Variants in NCOA6 observed in about 807,000 individuals in gnomAD.
NCOA6 encodes the protein nuclear receptor coactivator 6.
NCOA6 carries 49 observed loss-of-function variants against 171.4 expected under a neutral mutation model. The ratio of observed to expected loss-of-function variants is 0.29; its 90% CI spans 0.23 to 0.36. The LOEUF (loss-of-function observed/expected upper bound fraction) is 0.36, where lower values mean the gene tolerates loss of function less well. NCOA6 is among the 10% of genes least tolerant of loss of function. The pLI, the probability that NCOA6 is intolerant of heterozygous loss-of-function variation, is 1.00. For missense variants in NCOA6, 2,248 were observed against 2,554.5 expected (o/e 0.88, Z 2.59); for synonymous variants, 910 against 927.5 (o/e 0.98, Z 0.34).
intron 10 of NCOA6, among the ~76,000 whole-genome samples, chr20:34,746,126 A>G (rs1265685176): frequency 6.6e-6 from 1 of 152,178 alleles, no homozygotes; most frequent in Non-Finnish European, 1.5e-5. Flanking sequence ...CCCAGGAAGA[A>G]ACGCTGCAGG....
At position 34,735,791 on chromosome 20, in the gene NCOA6, G is replaced by A. The variant is rs1038695999; in HGVS notation, c.5962+899C>T. 4.6e-5 allele frequency among the ~76,000 whole-genome samples: 7 copies of A among 152,118 alleles called. No individual in the cohort carries two copies. The South Asian group carries it at 1.5e-3, about 32-fold the overall frequency. ...ACACAGGATGTAGCATTCTGAAGTA[G>A]GTTTTAAAATAATCACAAACTATAC... On this transcript the variant is annotated intron_variant, in intron 12 of 14. Transcript: ENST00000359003.
chr20:34,818,575 AC>A (rs1284940651), intron 1 of NCOA6, among the ~76,000 whole-genome samples: 1 of 152,124 alleles, frequency 6.6e-6, no homozygotes, highest in East Asian at 1.9e-4. Flanking sequence ...TCTCCTAAAT[AC>A]CCACCTCTGT....
intron 7 of NCOA6, among the ~76,000 whole-genome samples, chr20:34,755,173 G>A (rs964771761): frequency 6.6e-6 from 1 of 152,044 alleles, no homozygotes; most frequent in Non-Finnish European, 1.5e-5. Flanking sequence ...AAGGTTTGAG[G>A]GCTCACTTTT....
intron 1 of NCOA6, among the ~76,000 whole-genome samples, chr20:34,811,957 T>C (rs1353716668): frequency 6.6e-6 from 1 of 152,146 alleles, no homozygotes; most frequent in African/African-American, 2.4e-5. Flanking sequence ...CTTATAAAAC[T>C]ATTTCATGGT....
rs977217684 is a variant in NCOA6 at position 34,792,539 on chromosome 20, G to C, written c.-139C>G. On this transcript the variant is annotated 5_prime_UTR_variant, in exon 2 of 15. Transcript: ENST00000359003. ...TTTTTAGGGCTTGGATTTCAAGGTA[G>C]CAGCCCAGCAGCCAAATCAAAATTC... 5.0e-6 allele frequency: 2 copies of C among 398,482 alleles called. No homozygotes were observed. Among genetic ancestry groups the C allele is most frequent in the Non-Finnish European group, 8.9e-6 (2 of 225,950 alleles). 24.7% of individuals were successfully genotyped at this position (398,482 alleles called of 1,614,324 possible). A position where few individuals can be genotyped will look rare whatever the true frequency, so the allele number is the denominator to read the frequency against.
chr20:34,806,916 G>C (rs959827200), intron 1 of NCOA6, among the ~76,000 whole-genome samples: 1 of 152,102 alleles, frequency 6.6e-6, no homozygotes, highest in African/African-American at 2.4e-5. Context: ...ACAAATTTTA[G>C]GATTGTTTTT....
Position 34,749,642 on chromosome 20 carries a change from C to T in NCOA6, c.2553G>A (p.Met851Ile). 1.2e-6 allele frequency: 2 copies of T among 1,614,218 alleles called. No homozygotes were observed. The highest frequency in any genetic ancestry group is 1.7e-6 in the Non-Finnish European group (2 of 1,180,034). The change falls in exon 9 of 15, where the codon ATG becomes ATA. Residue 851 changes from methionine to isoleucine, a missense_variant. Physicochemically the swap from Met to Ile is conservative, Grantham distance 10. This residue lies in a region of NCOA6 where 987 missense variants were observed against 1,104.7 expected (regional missense o/e 0.89). Coordinates refer to ENST00000359003, the MANE Select transcript of NCOA6 (RefSeq NM_014071.5). Reference sequence around the variant, plus strand: ...CTCCACTGAAAGGTGCATTGAAAGACATCCCATGGCCTGAGAAGTGGTTTC... The same window carrying T: ...CTCCACTGAAAGGTGCATTGAAAGATATCCCATGGCCTGAGAAGTGGTTTC... ...ASGNHFSGHG[M>I]SFNAPFSGAP... is the part of the protein sequence containing the mutation.
chr20:34,778,193 C>A (rs1030054386), intron 3 of NCOA6, among the ~76,000 whole-genome samples: 2 of 152,088 alleles, frequency 1.3e-5, no homozygotes, highest in African/African-American at 4.8e-5. Flanking sequence ...TGAGCCACTG[C>A]GCCCAGCCAC....
rs904955841 is a variant in NCOA6, at chr20:34,734,084, A to AT, written c.5963-1490dup. On this transcript the variant is annotated intron_variant, in intron 12 of 14. Transcript: ENST00000359003. ...GAAGTGCTCACCCTCATTGTTTTTT[A>AT]TTTTTTTGAGACAGGGTCTCACTCT... Among the ~76,000 whole-genome samples the AT allele has an allele frequency of 6.6e-5, 10 of 151,792 alleles. 2 individuals are homozygous for AT. Among genetic ancestry groups the AT allele is most frequent in the Admixed American group, 6.6e-5 (1 of 15,256 alleles).
In NCOA6 at chr20:34,776,277, T is replaced by A. The variant is rs752160311; in HGVS notation, c.391+16A>T. On this transcript the variant is annotated intron_variant, in intron 4 of 14. Transcript: ENST00000359003. Reference sequence around the variant, plus strand: ...AATGATTCTGGTCTAGATGGGCACATGGCAAAGTAAAAGACCTTCAATCTG... The same window carrying A: ...AATGATTCTGGTCTAGATGGGCACAAGGCAAAGTAAAAGACCTTCAATCTG... 6.2e-7 allele frequency: 1 copy of A among 1,611,888 alleles called. No homozygotes were observed. The highest frequency in any genetic ancestry group is 8.5e-7 in the Non-Finnish European group (1 of 1,179,294).
At chr20:34,732,524 T>A in intron 13 of NCOA6, 35 bp downstream of exon 13, 1 of 1,606,324 alleles carries the variant, frequency 6.2e-7, no homozygotes, top group South Asian at 1.1e-5. Context: ...GCTTATGCTG[T>A]GTTCATGCTA....
intron 8 of NCOA6, among the ~76,000 whole-genome samples, chr20:34,753,522 A>C (rs1260018512): frequency 6.6e-6 from 1 of 151,630 alleles, no homozygotes; most frequent in Non-Finnish European, 1.5e-5. Flanking sequence ...TTAGCCAGGC[A>C]TGGTGGCGGG....
intron 1 of NCOA6, among the ~76,000 whole-genome samples, chr20:34,804,287 A>G (rs2078367601): frequency 6.6e-6 from 1 of 151,938 alleles, no homozygotes; most frequent in Non-Finnish European, 1.5e-5. Flanking sequence ...CAGTAAGCCG[A>G]GATCACGCCA....
chr20:34,768,314 C>G, intron 5 of NCOA6, 150 bp downstream of exon 5: 2 of 1,027,616 alleles, frequency 1.9e-6, no homozygotes, highest in Non-Finnish European at 2.8e-6. Flanking sequence ...CTCTAGCCTC[C>G]GGGAAGGACT....
chr20:34,777,411 T>G (rs2077363430), intron 3 of NCOA6, among the ~76,000 whole-genome samples: 1 of 151,812 alleles, frequency 6.6e-6, no homozygotes, highest in Admixed American at 6.6e-5. Flanking sequence ...GGACAGGAGT[T>G]CGAGATCAGC....
chr20:34,778,240 C>T (rs2146133678), intron 3 of NCOA6, among the ~76,000 whole-genome samples: 1 of 152,228 alleles, frequency 6.6e-6, no homozygotes, highest in African/African-American at 2.4e-5. Context: ...GGAAGGATAT[C>T]CTGCCACATG....
chr20:34,772,402 G>T lies in NCOA6; in HGVS notation c.392-3816C>A, dbSNP rs780607220. The stretch of plus-strand genomic sequence containing the variant: ...TTATACATAAAATAGTGCCTGGTAC[G>T]TGGCAGATGCTCATTAGCTATTTAT... On this transcript the variant is annotated intron_variant, in intron 4 of 14. Coordinates refer to ENST00000359003, the MANE Select transcript of NCOA6 (RefSeq NM_014071.5). Among the ~76,000 whole-genome samples, 5 of 151,994 alleles carry T rather than the reference G, an allele frequency of 3.3e-5. No individual in the cohort carries two copies. In the South Asian group the frequency reaches 1.0e-3, roughly 32 times the overall value.
chr20:34,800,121 AG>A (rs1479512489), intron 1 of NCOA6, among the ~76,000 whole-genome samples: 3 of 152,144 alleles, frequency 2.0e-5, no homozygotes, highest in Non-Finnish European at 4.4e-5. Flanking sequence ...AGTTTTTATT[AG>A]TTTTCTCTTT....
At chr20:34,766,460 A>G (rs146170455) in intron 5 of NCOA6, among the ~76,000 whole-genome samples, 268 of 152,182 alleles carry the variant, frequency 1.8e-3, no homozygotes, top group African/African-American at 6.2e-3. Context: ...ACAAAAAACA[A>G]TACAAAACAA....
Sources: gnomAD v4.1 joint callset for allele counts (sites outside exome capture counted in the v4.1 genomes callset) on GRCh38, gnomAD v4.1.1 for gene constraint, gnomAD v4.1.1 regional missense constraint, MANE v1.5 for transcripts, NCBI Gene and HGNC (gene_info 2026-07-23, HGNC 2026-07-21) for gene names.